Variants in TRABD2B observed in about 807,000 individuals in gnomAD.
The protein encoded by TRABD2B is metalloprotease TIKI2.
TRABD2B carries 14 observed loss-of-function variants against 40.1 expected under a neutral mutation model. The ratio of observed to expected loss-of-function variants is 0.35; its 90% CI spans 0.23 to 0.55. The LOEUF (loss-of-function observed/expected upper bound fraction) is 0.55, where lower values mean the gene tolerates loss of function less well. Among genes scored for constraint, TRABD2B ranks in the 20% least tolerant of loss-of-function variants. The pLI, the probability that TRABD2B is intolerant of heterozygous loss-of-function variation, is 0.90. For synonymous variants in TRABD2B, 263 were observed against 277.0 expected (o/e 0.95, Z 0.50); for missense variants, 541 against 648.6 (o/e 0.83, Z 1.80).
chr1:47,808,671 A>C (rs966722072), intron 2 of TRABD2B, among the ~76,000 whole-genome samples: 15 of 152,216 alleles, frequency 9.9e-5, no homozygotes, highest in African/African-American at 3.6e-4. Context: ...ACAAACAAGG[A>C]AACTGAGCCC....
At chr1:47,935,369 T>C (rs749359145) in intron 2 of TRABD2B, among the ~76,000 whole-genome samples, 2 of 152,192 alleles carry the variant, frequency 1.3e-5, no homozygotes, top group Non-Finnish European at 2.9e-5. Context: ...ATTTAAGCCT[T>C]ACACCACATG....
intron 2 of TRABD2B, among the ~76,000 whole-genome samples, chr1:47,809,988 G>A (rs141605298): frequency 1.3e-3 from 199 of 152,288 alleles, no homozygotes; most frequent in African/African-American, 4.6e-3. Flanking sequence ...TGGAGGTATA[G>A]GAGTGAACAC....
At chr1:47,792,075 AGGCAT>A (rs1644681037) in intron 4 of TRABD2B, among the ~76,000 whole-genome samples, 2 of 152,188 alleles carry the variant, frequency 1.3e-5, no homozygotes, top group African/African-American at 4.8e-5. Context: ...CATTTGTTCC[AGGCAT>A]GGCTGAGCCA....
chr1:47,871,981 G>A (rs1372360695), intron 2 of TRABD2B, among the ~76,000 whole-genome samples: 1 of 152,232 alleles, frequency 6.6e-6, no homozygotes, highest in Admixed American at 6.5e-5. Context: ...TCTGGGATAT[G>A]AGTCATCTTG....
At chr1:47,810,137 G>GGTGTGTGTGT (rs140552120) in intron 2 of TRABD2B, among the ~76,000 whole-genome samples, 2 of 136,056 alleles carry the variant, frequency 1.5e-5, no homozygotes, top group South Asian at 2.2e-4. Context: ...AGGAATATAG[G>GGTGTGTGTGT]GTGTGTGTGT....
chr1:47,889,485 T>C (rs1046081455), intron 2 of TRABD2B, among the ~76,000 whole-genome samples: 1 of 152,220 alleles, frequency 6.6e-6, no homozygotes, highest in Non-Finnish European at 1.5e-5. Flanking sequence ...GATACCTGAA[T>C]CTTATTGCCA....
chr1:47,873,415 G>T (rs1644172996), intron 2 of TRABD2B, among the ~76,000 whole-genome samples: 1 of 152,104 alleles, frequency 6.6e-6, no homozygotes, highest in Non-Finnish European at 1.5e-5. Context: ...CAAATTTATG[G>T]GGTGGATATA....
At chr1:47,984,907 C>T (rs568049419) in intron 2 of TRABD2B, among the ~76,000 whole-genome samples, 23 of 152,286 alleles carry the variant, frequency 1.5e-4, no homozygotes, top group African/African-American at 2.4e-4. Context: ...ACGTTCTTCT[C>T]GCTCACTACG....
chr1:47,765,898 G>T lies in TRABD2B; in HGVS notation c.*4C>A, dbSNP rs186353607. ...TCTGGCTTCTCCACTTGGGGTGGCC[G>T]AGGTCAGGAGGGCCCAAGGCTATGC... On this transcript the variant is annotated 3_prime_UTR_variant, in exon 7 of 7. Coordinates refer to ENST00000606738, the MANE Select transcript of TRABD2B (RefSeq NM_001194986.2). 1.4e-6 allele frequency: 1 copy of T among 702,830 alleles called. No individual in the cohort carries two copies. Among genetic ancestry groups the T allele is most frequent in the Non-Finnish European group, 2.6e-6 (1 of 384,970 alleles). The allele number at this position is 702,830 out of a possible 1,614,324, so 43.5% of individuals were successfully genotyped here.
chr1:47,943,757 A>AACAC (rs10554684), intron 2 of TRABD2B, among the ~76,000 whole-genome samples: 2,023 of 146,798 alleles, frequency 0.014, 28 homozygotes, highest in East Asian at 0.023. Flanking sequence ...GCATCCAGAA[A>AACAC]ACACACACAC....
chr1:47,978,788 C>G (rs112099110), intron 2 of TRABD2B, among the ~76,000 whole-genome samples: 1 of 152,164 alleles, frequency 6.6e-6, no homozygotes, highest in African/African-American at 2.4e-5. Context: ...CCCGGTGCCC[C>G]ACACATGGTT....
intron 2 of TRABD2B, among the ~76,000 whole-genome samples, chr1:47,825,020 A>G (rs1252716545): frequency 6.6e-6 from 1 of 152,070 alleles, no homozygotes; most frequent in Admixed American, 6.5e-5. Context: ...GCCCAATTTT[A>G]CCCACGGGGG....
At chr1:47,956,932 T>A (rs956474466) in intron 2 of TRABD2B, among the ~76,000 whole-genome samples, 4 of 152,186 alleles carry the variant, frequency 2.6e-5, no homozygotes. Flanking sequence ...GACCCATGAG[T>A]AGCCTAACTG....
chr1:47,864,978 G>A (rs115384342), intron 2 of TRABD2B, among the ~76,000 whole-genome samples: 1 of 147,902 alleles, frequency 6.8e-6, no homozygotes, highest in Non-Finnish European at 1.5e-5. Context: ...ACCACTGGCT[G>A]GACACCTGGC....
intron 2 of TRABD2B, among the ~76,000 whole-genome samples, chr1:47,860,869 G>C (rs1396417005): frequency 6.6e-6 from 1 of 152,126 alleles, no homozygotes; most frequent in African/African-American, 2.4e-5. Context: ...TAGTATGAAA[G>C]CCCTTGCTAG....
chr1:47,851,931 A>G (rs1183486366), intron 2 of TRABD2B, among the ~76,000 whole-genome samples: 1 of 152,198 alleles, frequency 6.6e-6, no homozygotes, highest in Non-Finnish European at 1.5e-5. Flanking sequence ...CTGTCTGGCT[A>G]CAGAATTTGT....
At position 47,826,495 on chromosome 1, in the gene TRABD2B, G is replaced by A. The variant is rs115221242; in HGVS notation, c.667-24876C>T. 2.7e-3 allele frequency among the ~76,000 whole-genome samples: 415 copies of A among 152,144 alleles called. 2 individuals carry two copies. Among genetic ancestry groups the A allele is most frequent in the African/African-American group, 9.3e-3 (388 of 41,504 alleles). Reference sequence around the variant, plus strand: ...TGAGCTGCTCAAGTTGCATTAAAAGGAGCCATGATGTTAAACATACAAAGA... The same window carrying A: ...TGAGCTGCTCAAGTTGCATTAAAAGAAGCCATGATGTTAAACATACAAAGA... On this transcript the variant is annotated intron_variant, in intron 2 of 6. Transcript: ENST00000606738.
intron 2 of TRABD2B, among the ~76,000 whole-genome samples, chr1:47,857,229 C>G (rs922727473): frequency 3.9e-5 from 6 of 152,310 alleles, no homozygotes; most frequent in Admixed American, 6.5e-5. Flanking sequence ...GCCCCTGGGC[C>G]TTTAGTAGGT....
At chr1:47,975,939 C>T (rs1296140903) in intron 2 of TRABD2B, among the ~76,000 whole-genome samples, 1 of 152,138 alleles carries the variant, frequency 6.6e-6, no homozygotes, top group Non-Finnish European at 1.5e-5. Flanking sequence ...CCAGAATTAA[C>T]TGCAGATGGT....
Sources: allele counts gnomAD v4.1 joint callset (sites outside exome capture counted in the v4.1 genomes callset), GRCh38; gene constraint gnomAD v4.1.1; transcripts MANE v1.5; gene names NCBI Gene and HGNC (gene_info 2026-07-23, HGNC 2026-07-21).